The following PLXDC2 variants were observed in gnomAD, a reference collection of about 807,000 sequenced individuals.
The protein encoded by PLXDC2 is plexin domain-containing protein 2.
PLXDC2 carries 40 observed loss-of-function variants against 68.9 expected under a neutral mutation model. That is an observed-to-expected ratio of 0.58 (90% CI 0.45 to 0.76). The LOEUF (loss-of-function observed/expected upper bound fraction) is 0.76. Among genes scored for constraint, PLXDC2 ranks in the 30% least tolerant of loss-of-function variants. PLXDC2 has a pLI of 0.00. For synonymous variants in PLXDC2, 243 were observed against 234.2 expected (o/e 1.04, Z -0.34); for missense variants, 644 against 661.9 (o/e 0.97, Z 0.30).
At chr10:20,192,786 T>A (rs1328905971) in intron 9 of PLXDC2, among the ~76,000 whole-genome samples, 1 of 152,068 alleles carries the variant, frequency 6.6e-6, no homozygotes, top group African/African-American at 2.4e-5. Context: ...TATGCAAACA[T>A]ACACCTAAGT....
chr10:20,274,511 G>A (rs116847461), intron 13 of PLXDC2, among the ~76,000 whole-genome samples: 5 of 152,084 alleles, frequency 3.3e-5, no homozygotes, highest in Admixed American at 2.0e-4. Flanking sequence ...AGGTAGTAAC[G>A]GGAGACTAGA....
intron 13 of PLXDC2, among the ~76,000 whole-genome samples, chr10:20,248,506 G>A (rs1212902188): frequency 1.3e-5 from 2 of 152,192 alleles, no homozygotes; most frequent in African/African-American, 2.4e-5. Flanking sequence ...ACATGTAAGT[G>A]AAGCAGATTC....
At chr10:20,148,765 T>C (rs947586727) in intron 6 of PLXDC2, among the ~76,000 whole-genome samples, 3 of 152,196 alleles carry the variant, frequency 2.0e-5, no homozygotes, top group Non-Finnish European at 2.9e-5. Flanking sequence ...ACTCGATATC[T>C]TATGTTCAGC....
At chr10:20,069,776 A>G (rs1423300624) in intron 4 of PLXDC2, among the ~76,000 whole-genome samples, 1 of 152,190 alleles carries the variant, frequency 6.6e-6, no homozygotes, top group African/African-American at 2.4e-5. Flanking sequence ...GGCTGCAGTG[A>G]GCTATGACCA....
At chr10:20,232,382 CCA>C (rs201219616) in intron 12 of PLXDC2, among the ~76,000 whole-genome samples, 5 of 150,030 alleles carry the variant, frequency 3.3e-5, no homozygotes, top group South Asian at 2.1e-4. Flanking sequence ...GAAAACATGT[CCA>C]CACACACACA....
chr10:20,088,861 G>A (rs1833236181), intron 4 of PLXDC2, among the ~76,000 whole-genome samples: 1 of 152,136 alleles, frequency 6.6e-6, no homozygotes, highest in South Asian at 2.1e-4. Flanking sequence ...TTTTATATTT[G>A]CTAAGGAATG....
At chr10:20,068,141 A>AC in intron 3 of PLXDC2, 29 bp from the exon 4 acceptor site, 3 of 1,582,620 alleles carry the variant, frequency 1.9e-6, no homozygotes, top group Non-Finnish European at 2.6e-6. Flanking sequence ...CACATTATTG[A>AC]TTTTTTTCTC....
chr10:20,207,665 A>G (rs1426589218), intron 9 of PLXDC2, among the ~76,000 whole-genome samples: 1 of 152,180 alleles, frequency 6.6e-6, no homozygotes, highest in African/African-American at 2.4e-5. Context: ...AGGAGGGAGC[A>G]CTCATCTAAC....
intron 4 of PLXDC2, among the ~76,000 whole-genome samples, chr10:20,128,879 AT>A (rs965862498): frequency 1.3e-5 from 2 of 152,156 alleles, no homozygotes; most frequent in African/African-American, 4.8e-5. Context: ...TAATTTATTC[AT>A]CCACTGATGA....
intron 2 of PLXDC2, among the ~76,000 whole-genome samples, chr10:20,013,801 A>G (rs559274472): frequency 6.6e-6 from 1 of 152,354 alleles, no homozygotes; most frequent in South Asian, 2.1e-4. Flanking sequence ...TTTTAATAAA[A>G]AATGACTTAT....
chr10:19,949,954 G>A (rs1833966135), intron 1 of PLXDC2, among the ~76,000 whole-genome samples: 1 of 152,146 alleles, frequency 6.6e-6, no homozygotes, highest in Non-Finnish European at 1.5e-5. Flanking sequence ...ATTATTGATG[G>A]GAAGACTGTC....
intron 6 of PLXDC2, among the ~76,000 whole-genome samples, chr10:20,158,856 G>A (rs1834253491): frequency 6.6e-6 from 1 of 152,076 alleles, no homozygotes; most frequent in Non-Finnish European, 1.5e-5. Context: ...GCCTGGAATT[G>A]TTCACCTTTT....
chr10:19,960,487 T>C (rs1325395030), intron 1 of PLXDC2, among the ~76,000 whole-genome samples: 1 of 152,184 alleles, frequency 6.6e-6, no homozygotes, highest in Non-Finnish European at 1.5e-5. Context: ...CCTGTTACAT[T>C]TGTGAGGATG....
At chr10:20,272,765 T>C (rs1835956100) in intron 13 of PLXDC2, among the ~76,000 whole-genome samples, 1 of 152,264 alleles carries the variant, frequency 6.6e-6, no homozygotes, top group South Asian at 2.1e-4. Context: ...AAAGAAACTT[T>C]TGCTGATCTA....
chr10:19,988,542 C>T (rs945010776), intron 1 of PLXDC2, among the ~76,000 whole-genome samples: 4 of 152,052 alleles, frequency 2.6e-5, no homozygotes, highest in African/African-American at 9.7e-5. Context: ...TAGCATACTT[C>T]AACCTATACC....
chr10:20,148,767 A>G (rs1043330995), intron 6 of PLXDC2, among the ~76,000 whole-genome samples: 3 of 152,164 alleles, frequency 2.0e-5, no homozygotes, highest in Non-Finnish European at 2.9e-5. Context: ...TCGATATCTT[A>G]TGTTCAGCTG....
At chr10:19,846,152 T>A (rs779353869) in intron 1 of PLXDC2, among the ~76,000 whole-genome samples, 1 of 152,164 alleles carries the variant, frequency 6.6e-6, no homozygotes, top group Admixed American at 6.5e-5. Context: ...GTAACTCAAG[T>A]GTAGTCATGG....
At chr10:20,187,806 T>C (rs1048724705) in intron 9 of PLXDC2, among the ~76,000 whole-genome samples, 1 of 151,928 alleles carries the variant, frequency 6.6e-6, no homozygotes, top group Non-Finnish European at 1.5e-5. Flanking sequence ...TTCATAATTT[T>C]CTTACAGAAA....
chr10:19,970,199 G>T (rs1274110571), intron 1 of PLXDC2, among the ~76,000 whole-genome samples: 1 of 152,178 alleles, frequency 6.6e-6, no homozygotes, highest in Admixed American at 6.5e-5. Flanking sequence ...CTTTGGTCAA[G>T]GCTTTGGTTT....
Sources: allele counts gnomAD v4.1 joint callset (sites outside exome capture counted in the v4.1 genomes callset), GRCh38; gene constraint gnomAD v4.1.1; transcripts MANE v1.5; gene names NCBI Gene and HGNC (gene_info 2026-07-23, HGNC 2026-07-21).